Variants in VTI1A observed in about 807,000 individuals in gnomAD.
VTI1A encodes the protein vesicle transport through interaction with t-SNAREs homolog 1A.
A neutral mutation model predicts 34.9 loss-of-function variants in VTI1A; 22 were observed. That is an observed-to-expected ratio of 0.63 (90% confidence interval 0.45 to 0.90). The LOEUF is 0.90. VTI1A is among the 40% of genes least tolerant of loss of function. VTI1A has a pLI of 0.00. For missense variants in VTI1A, 268 were observed against 275.6 expected (o/e 0.97, Z 0.20); for synonymous variants, 87 against 97.3 (o/e 0.89, Z 0.62).
intron 3 of VTI1A, among the ~76,000 whole-genome samples, chr10:112,505,290 A>G (rs1373141031): frequency 6.6e-6 from 1 of 152,082 alleles, no homozygotes; most frequent in Non-Finnish European, 1.5e-5. Context: ...CTTCCACTGT[A>G]TATTCTCACT....
chr10:112,456,949 T>A (rs1233509028), intron 1 of VTI1A, among the ~76,000 whole-genome samples: 1 of 152,242 alleles, frequency 6.6e-6, no homozygotes, highest in Admixed American at 6.5e-5. Context: ...CCATTGATCC[T>A]ATGAGCCACC....
chr10:112,661,404 C>G (rs894716689), intron 5 of VTI1A, among the ~76,000 whole-genome samples: 1 of 152,192 alleles, frequency 6.6e-6, no homozygotes, highest in Non-Finnish European at 1.5e-5. Context: ...GCATGAGCCA[C>G]GCACCTGGCC....
At chr10:112,581,849 T>A (rs1297210169) in intron 5 of VTI1A, among the ~76,000 whole-genome samples, 2 of 152,204 alleles carry the variant, frequency 1.3e-5, no homozygotes, top group Admixed American at 6.5e-5. Flanking sequence ...CACAACCTAA[T>A]ATGTGGAAAG....
downstream of VTI1A, among the ~76,000 whole-genome samples, chr10:112,822,260 C>T (rs1853667620): frequency 6.6e-6 from 1 of 152,194 alleles, no homozygotes; most frequent in East Asian, 1.9e-4. Flanking sequence ...TGGCCAGGAC[C>T]CCGTTCTTCT....
intron 5 of VTI1A, among the ~76,000 whole-genome samples, chr10:112,649,850 A>G (rs542347432): frequency 5.3e-4 from 80 of 152,176 alleles, no homozygotes; most frequent in Non-Finnish European, 7.5e-4. Context: ...TTTAAACAGT[A>G]AAAATATGAT....
the VTI1A span, among the ~76,000 whole-genome samples, chr10:112,835,557 A>G: frequency 6.6e-6 from 1 of 152,210 alleles, no homozygotes; most frequent in Non-Finnish European, 1.5e-5. Flanking sequence ...AACTAATGCT[A>G]TATTTGGAAA....
intron 7 of VTI1A, among the ~76,000 whole-genome samples, chr10:112,734,942 A>AT (rs1850401599): frequency 6.6e-6 from 1 of 152,046 alleles, no homozygotes; most frequent in Non-Finnish European, 1.5e-5. Flanking sequence ...CTCAATAAAT[A>AT]TTTTGTTGAA....
chr10:112,482,556 A>T (rs192750699), intron 3 of VTI1A, among the ~76,000 whole-genome samples: 1 of 152,250 alleles, frequency 6.6e-6, no homozygotes, highest in African/African-American at 2.4e-5. Flanking sequence ...AATATACCAT[A>T]TTTTGGCATT....
chr10:112,814,782 C>G (rs1048383883), intron 7 of VTI1A, among the ~76,000 whole-genome samples: 11 of 152,212 alleles, frequency 7.2e-5, no homozygotes, highest in Non-Finnish European at 1.3e-4. Context: ...GCACATTTGA[C>G]ACTTGTTTCT....
chr10:112,711,695 C>T (rs1018292423), intron 7 of VTI1A, among the ~76,000 whole-genome samples: 6 of 152,192 alleles, frequency 3.9e-5, no homozygotes, highest in East Asian at 1.9e-4. Context: ...ATGGAGAATA[C>T]GCCAACAAAG....
At chr10:112,830,849 A>ATATATATATATATATATATATATTTTT in the VTI1A span, among the ~76,000 whole-genome samples, 20 of 33,484 alleles carry the variant, frequency 6.0e-4, no homozygotes, top group African/African-American at 1.3e-3. Context: ...ATATATATAT[A>ATATATATATATATATATATATATTTTT]TTTTTTTTTT....
intron 7 of VTI1A, among the ~76,000 whole-genome samples, chr10:112,689,390 G>A (rs1848536515): frequency 6.6e-6 from 1 of 152,234 alleles, no homozygotes; most frequent in African/African-American, 2.4e-5. Context: ...ACAAAGCACT[G>A]AGGGGCAGCC....
intron 3 of VTI1A, among the ~76,000 whole-genome samples, chr10:112,470,334 C>A (rs917679603): frequency 2.6e-5 from 4 of 152,086 alleles, no homozygotes; most frequent in Non-Finnish European, 5.9e-5. Flanking sequence ...ATGGGAAAAA[C>A]CAAACAAAAT....
At chr10:112,592,277 T>C (rs1272720755) in intron 5 of VTI1A, among the ~76,000 whole-genome samples, 1 of 152,164 alleles carries the variant, frequency 6.6e-6, no homozygotes, top group African/African-American at 2.4e-5. Flanking sequence ...CCTAAAGAAC[T>C]GTGAGATCAT....
At chr10:112,840,038 G>A in the VTI1A span, among the ~76,000 whole-genome samples, 398 of 152,210 alleles carry the variant, frequency 2.6e-3, 4 homozygotes, top group African/African-American at 7.5e-3. Flanking sequence ...AAATGGAGGA[G>A]GGCCAGGCTG....
chr10:112,707,931 C>T (rs180992069), intron 7 of VTI1A, among the ~76,000 whole-genome samples: 2 of 152,274 alleles, frequency 1.3e-5, no homozygotes, highest in African/African-American at 4.8e-5. Context: ...AAACATCAAA[C>T]AAAATTAGCA....
chr10:112,575,964 A>C (rs901051781), intron 5 of VTI1A, among the ~76,000 whole-genome samples: 1 of 148,714 alleles, frequency 6.7e-6, no homozygotes, highest in East Asian at 2.0e-4. Context: ...TTGTTTGTTC[A>C]TTCTGTGTAT....
intron 7 of VTI1A, among the ~76,000 whole-genome samples, chr10:112,704,642 G>A (rs181150214): frequency 9.0e-4 from 137 of 152,244 alleles, no homozygotes; most frequent in African/African-American, 3.2e-3. Flanking sequence ...AGAAATTACA[G>A]TGTTTCAACC....
intron 7 of VTI1A, among the ~76,000 whole-genome samples, chr10:112,687,652 A>C (rs993581060): frequency 6.6e-6 from 1 of 152,166 alleles, no homozygotes; most frequent in Non-Finnish European, 1.5e-5. Context: ...TAACATTTTC[A>C]GAATGAAACC....
Sources: gnomAD v4.1 joint callset for allele counts (sites outside exome capture counted in the v4.1 genomes callset) on GRCh38, gnomAD v4.1.1 for gene constraint, MANE v1.5 for transcripts, NCBI Gene and HGNC (gene_info 2026-07-23, HGNC 2026-07-21) for gene names.